The following SETBP1 variants were observed in gnomAD, a reference collection of about 807,000 sequenced individuals.
SETBP1 encodes the protein SET-binding protein.
A neutral mutation model predicts 101.0 loss-of-function variants in SETBP1; 9 were observed. That is an observed-to-expected ratio of 0.09 (90% CI 0.05 to 0.16). SETBP1 has a LOEUF of 0.16. Among genes scored for constraint, SETBP1 ranks in the 10% least tolerant of loss-of-function variants. The pLI, the probability that SETBP1 is intolerant of heterozygous loss-of-function variation, is 1.00. For synonymous variants in SETBP1, 818 were observed against 788.5 expected, an observed-to-expected ratio of 1.04 and a Z score of -0.63; for missense variants, 1,858 against 2,033.8, an observed-to-expected ratio of 0.91 and a Z score of 1.66.
At chr18:45,044,925 A>G (rs1288123849) in intron 5 of SETBP1, among the ~76,000 whole-genome samples, 1 of 152,158 alleles carries the variant, frequency 6.6e-6, no homozygotes, top group African/African-American at 2.4e-5. Flanking sequence ...CTCGTGGTTT[A>G]TCTCTTCTAC....
intron 4 of SETBP1, among the ~76,000 whole-genome samples, chr18:44,955,427 G>A (rs769940315): frequency 1.1e-4 from 16 of 152,182 alleles, no homozygotes; most frequent in Non-Finnish European, 1.8e-4. Flanking sequence ...GTGCCCTTAG[G>A]CATGGGATTC....
At chr18:44,846,509 A>G (rs555484874) in intron 2 of SETBP1, among the ~76,000 whole-genome samples, 2 of 152,328 alleles carry the variant, frequency 1.3e-5, no homozygotes, top group Non-Finnish European at 2.9e-5. Context: ...GGAGTCATAT[A>G]CAGCATGTGC....
At chr18:44,947,888 G>A (rs150506577) in intron 3 of SETBP1, among the ~76,000 whole-genome samples, 4 of 152,314 alleles carry the variant, frequency 2.6e-5, no homozygotes, top group East Asian at 1.9e-4. Flanking sequence ...ACCCTAAGGA[G>A]CAGAGAACTT....
chr18:45,009,909 G>T (rs912982013), intron 4 of SETBP1, among the ~76,000 whole-genome samples: 1 of 152,222 alleles, frequency 6.6e-6, no homozygotes, highest in African/African-American at 2.4e-5. Context: ...TTTCCAGTTG[G>T]CAGTGGACTG....
chr18:44,795,894 A>G (rs1396362088), intron 2 of SETBP1, among the ~76,000 whole-genome samples: 1 of 152,210 alleles, frequency 6.6e-6, no homozygotes, highest in Non-Finnish European at 1.5e-5. Flanking sequence ...AAACATCCCT[A>G]GACTATGATT....
chr18:44,968,939 T>C (rs932394607), intron 4 of SETBP1, among the ~76,000 whole-genome samples: 1 of 152,244 alleles, frequency 6.6e-6, no homozygotes, highest in Non-Finnish European at 1.5e-5. Context: ...TTCTATTCCA[T>C]GTGAAAAGTA....
At chr18:44,815,720 G>A (rs1201504429) in intron 2 of SETBP1, among the ~76,000 whole-genome samples, 1 of 152,094 alleles carries the variant, frequency 6.6e-6, no homozygotes. Flanking sequence ...AACACAATTG[G>A]GATTGTCAAA....
chr18:44,876,756 T>G, intron 3 of SETBP1: 2 of 1,514,272 alleles, frequency 1.3e-6, no homozygotes, highest in Non-Finnish European at 1.8e-6. Context: ...AAGTATAACT[T>G]CGCATGGATT....
intron 4 of SETBP1, among the ~76,000 whole-genome samples, chr18:45,013,610 T>C (rs2072884722): frequency 6.6e-6 from 1 of 152,102 alleles, no homozygotes; most frequent in Non-Finnish European, 1.5e-5. Flanking sequence ...CGACTAACTT[T>C]TGTATTTTTA....
chr18:44,701,932 A>C, intron 2 of SETBP1, 100 bp downstream of exon 2: 1 of 1,380,370 alleles, frequency 7.2e-7, no homozygotes, highest in South Asian at 1.3e-5. Flanking sequence ...ATTTGACTCT[A>C]GAACAACGTG....
Position 45,067,933 on chromosome 18 carries a change from GTCTT to G in SETBP1, c.*4241_*4244del, listed in dbSNP as rs1172553757. 20 of 152,056 alleles carry G rather than the reference GTCTT, an allele frequency of 1.3e-4. No individual in the cohort carries two copies. The highest frequency in any genetic ancestry group is 1.3e-3 in the Admixed American group (20 of 15,266). The allele number at this position is 152,056 out of a possible 1,614,324, so 9.4% of individuals were successfully genotyped here. On this transcript the variant is annotated 3_prime_UTR_variant, in exon 6 of 6. Coordinates refer to ENST00000649279, the MANE Select transcript of SETBP1 (RefSeq NM_015559.3). The stretch of plus-strand genomic sequence containing the variant: ...AAGGGCGGTTCCACCCTAGATTGGT[GTCTT>G]TCTTTTTCTTCCTTTTTTTAAAAAA...
chr18:45,039,069 C>G (rs533664688), intron 5 of SETBP1, among the ~76,000 whole-genome samples: 3 of 152,148 alleles, frequency 2.0e-5, no homozygotes, highest in Non-Finnish European at 4.4e-5. Flanking sequence ...AAGCCTGCCC[C>G]AAGAACCTGT....
intron 2 of SETBP1, among the ~76,000 whole-genome samples, chr18:44,805,704 CTG>C (rs2071718138): frequency 6.6e-6 from 1 of 151,980 alleles, no homozygotes; most frequent in African/African-American, 2.4e-5. Flanking sequence ...ATGGCAGAGA[CTG>C]TCATCTTTTT....
intron 4 of SETBP1, among the ~76,000 whole-genome samples, chr18:44,972,541 T>A (rs1231652702): frequency 6.6e-6 from 1 of 152,204 alleles, no homozygotes; most frequent in Non-Finnish European, 1.5e-5. Context: ...TTGTATCCTC[T>A]TTTATTTCAT....
intron 4 of SETBP1, among the ~76,000 whole-genome samples, chr18:45,009,288 G>A (rs1232955279): frequency 6.6e-6 from 1 of 151,306 alleles, no homozygotes; most frequent in Non-Finnish European, 1.5e-5. Flanking sequence ...CGCAGTGTAC[G>A]CCAGGTTAGC....
chr18:44,702,484 TA>T (rs1249438445), intron 2 of SETBP1, among the ~76,000 whole-genome samples: 6 of 152,170 alleles, frequency 3.9e-5, no homozygotes, highest in African/African-American at 1.4e-4. Context: ...TGACAAAAAA[TA>T]GCTATAGAAT....
intron 2 of SETBP1, among the ~76,000 whole-genome samples, chr18:44,756,396 C>T (rs1303290522): frequency 6.6e-6 from 1 of 152,144 alleles, no homozygotes; most frequent in Non-Finnish European, 1.5e-5. Context: ...TTCCCTGGTA[C>T]CACTTTTGAG....
At chr18:44,834,393 G>A (rs763199865) in intron 2 of SETBP1, among the ~76,000 whole-genome samples, 12 of 152,204 alleles carry the variant, frequency 7.9e-5, no homozygotes, top group Non-Finnish European at 1.0e-4. Flanking sequence ...TGCTAAGTAC[G>A]TATGAACTAG....
At chr18:44,880,683 T>C (rs1404775929) in intron 3 of SETBP1, among the ~76,000 whole-genome samples, 3 of 152,126 alleles carry the variant, frequency 2.0e-5, no homozygotes, top group Admixed American at 6.6e-5. Flanking sequence ...GCACATCACA[T>C]GGCCAGAGCA....
Sources: allele counts gnomAD v4.1 joint callset (sites outside exome capture counted in the v4.1 genomes callset), GRCh38; gene constraint gnomAD v4.1.1; transcripts MANE v1.5; gene names NCBI Gene and HGNC (gene_info 2026-07-23, HGNC 2026-07-21).